UGT2B10: variants seen among roughly 807,000 people sequenced by gnomAD.
UGT2B10 encodes the protein UDP glucuronosyltransferase family 2 member B10.
Under a neutral mutation model 43.7 loss-of-function variants are expected in UGT2B10, and 51 were observed. The ratio of observed to expected loss-of-function variants is 1.17; its 90% CI spans 0.93 to 1.47. UGT2B10 has a LOEUF of 1.47. UGT2B10 is among the 40% of genes most tolerant of loss of function. UGT2B10 has a pLI of 0.00. For synonymous variants in UGT2B10, 225 were observed against 209.0 expected, an observed-to-expected ratio of 1.08 and a Z score of -0.66; for missense variants, 696 against 617.7, an observed-to-expected ratio of 1.13 and a Z score of -1.34.
intron 2 of UGT2B10, among the ~76,000 whole-genome samples, chr4:68,819,231 A>C (rs1737375714): frequency 6.6e-6 from 1 of 151,966 alleles, no homozygotes; most frequent in Non-Finnish European, 1.5e-5. Context: ...TTTATTACTA[A>C]TACTACTAAC....
rs1738081683 is a variant in UGT2B10 at position 68,831,142 on chromosome 4, C to G, written c.*263C>G. ...TGAGCTTGTATTGAAATTTGTTGCACTTATATTGAAATGTGATCATGGCTC... is the reference window on the plus strand; with the variant it reads ...TGAGCTTGTATTGAAATTTGTTGCAGTTATATTGAAATGTGATCATGGCTC... On this transcript the variant is annotated 3_prime_UTR_variant, in exon 6 of 6. Coordinates refer to ENST00000265403, the MANE Select transcript of UGT2B10 (RefSeq NM_001075.6). The G allele has an allele frequency of 9.2e-6, 4 of 435,748 alleles. No homozygotes were observed. Among genetic ancestry groups the G allele is most frequent in the Non-Finnish European group, 1.6e-5 (4 of 252,628 alleles). 27.0% of individuals were successfully genotyped at this position (435,748 alleles called of 1,614,324 possible).
At position 68,831,023 on chromosome 4, in the gene UGT2B10, G is replaced by GT. The variant is rs1307963988; in HGVS notation, c.*149dup. 1.3e-5 allele frequency: 15 copies of GT among 1,165,406 alleles called. No homozygotes were observed. The highest frequency in any genetic ancestry group is 1.8e-5 in the Non-Finnish European group (15 of 842,958). The allele number at this position is 1,165,406 out of a possible 1,614,324, so 72.2% of individuals were successfully genotyped here. On this transcript the variant is annotated 3_prime_UTR_variant, in exon 6 of 6. Transcript: ENST00000265403. The stretch of plus-strand genomic sequence containing the variant: ...AGTCTACCTTGTCAAGTAAAAATTT[G>GT]TTTTTCAGAGATTTACCACCCAGTT...
rs1404789159 is a variant in UGT2B10 at position 68,818,033 on chromosome 4, A to T, written c.723A>T (p.Arg241Ser). Residue 241 changes from arginine to serine, a missense_variant, in exon 2 of 6, where the codon AGA (arginine) becomes AGT (serine). Transcript: ENST00000265403. ...TCTTTTCTTTATTCCTATCAGGAAGACCCACTACATTATCTGAGACAATGA... is the reference window on the plus strand; with the variant it reads ...TCTTTTCTTTATTCCTATCAGGAAGTCCCACTACATTATCTGAGACAATGA... ...WDQFYSEVLGRPTTLSETMRK... is the reference protein window; with the variant it reads ...WDQFYSEVLGSPTTLSETMRK... 1.9e-6 allele frequency: 3 copies of T among 1,607,724 alleles called. No homozygotes were observed. The highest frequency in any genetic ancestry group is 3.4e-5 in the Admixed American group (2 of 58,860).
chr4:68,822,087 G>A (rs574076520), intron 2 of UGT2B10, among the ~76,000 whole-genome samples, 184 bp from the exon 3 acceptor site: 1 of 151,984 alleles, frequency 6.6e-6, no homozygotes, highest in Non-Finnish European at 1.5e-5. Context: ...CTTAACAGAG[G>A]CCAACTATCT....
chr4:68,816,345 C>A lies in UGT2B10; in HGVS notation c.326C>A (p.Ser109Ter). 1 of 1,613,026 alleles carries A rather than the reference C, an allele frequency of 6.2e-7. No homozygotes were observed. The highest frequency in any genetic ancestry group is 8.5e-7 in the Non-Finnish European group (1 of 1,179,374). Residue 109 changes from serine to a stop codon, truncating the protein, a stop_gained, in exon 1 of 6, where the codon TCA (serine) becomes TAA (stop). Coordinates refer to ENST00000265403, the MANE Select transcript of UGT2B10 (RefSeq NM_001075.6). LOFTEE classifies it high-confidence loss of function. ...AAAGATACATTTTGGTTACCTTTTT[C>A]ACAAGAACAAGAAATCCTGTGGGCA... ...IQKDTFWLPF[S>*]QEQEILWAIN...
Position 68,830,863 on chromosome 4 carries a change from A to C in UGT2B10, c.1571A>C (p.Lys524Thr). 1 of 1,613,002 alleles carries C rather than the reference A, an allele frequency of 6.2e-7. No homozygotes were observed. The highest frequency in any genetic ancestry group is 1.3e-5 in the African/African-American group (1 of 74,968). The change falls in exon 6 of 6, where the codon AAG becomes ACG. Residue 524 changes from lysine (K) to threonine (T), a missense_variant. By Grantham distance (78) the Lys-to-Thr change is moderately conservative. Coordinates refer to ENST00000265403, the MANE Select transcript of UGT2B10 (RefSeq NM_001075.6). ...CFWKFARKGKKGKRD is the reference protein window; with the variant it reads ...CFWKFARKGKTGKRD Reference sequence around the variant, plus strand: ...TGGAAGTTTGCTAGAAAAGGAAAGAAGGGAAAAAGGGATTAGTTATATCTG... The same window carrying C: ...TGGAAGTTTGCTAGAAAAGGAAAGACGGGAAAAAGGGATTAGTTATATCTG...
At position 68,816,564 on chromosome 4, in the gene UGT2B10, A is replaced by G. The variant is rs1321831140; in HGVS notation, c.545A>G (p.His182Arg). 5.6e-6 allele frequency: 9 copies of G among 1,613,020 alleles called. No homozygotes were observed. Among genetic ancestry groups the G allele is most frequent in the East Asian group, 2.2e-5 (1 of 44,820 alleles). Reference protein sequence around the residue: ...SFSPGYSFERHSGGFIFPPSY... With the variant: ...SFSPGYSFERRSGGFIFPPSY... ...AGTCCTGGCTACTCATTTGAAAGGC[A>G]CAGTGGAGGATTTATTTTCCCTCCT... The change falls in exon 1 of 6, where the codon CAC becomes CGC. Residue 182 changes from histidine (H) to arginine (R), a missense_variant. Coordinates refer to ENST00000265403, the MANE Select transcript of UGT2B10 (RefSeq NM_001075.6).
rs1248375122 is a variant in UGT2B10 at position 68,831,413 on chromosome 4, G to A, written c.*534G>A. Among the ~76,000 whole-genome samples, 1 of 152,042 alleles carries A rather than the reference G, an allele frequency of 6.6e-6. No homozygotes were observed. The highest frequency in any genetic ancestry group is 1.5e-5 in the Non-Finnish European group (1 of 67,962). ...TTTACAAAATGAGATTTTTATATAAGAATGATTCAAATGTTCAGGGATGAA... is the reference window on the plus strand; with the variant it reads ...TTTACAAAATGAGATTTTTATATAAAAATGATTCAAATGTTCAGGGATGAA... On this transcript the variant is annotated 3_prime_UTR_variant, in exon 6 of 6. Coordinates refer to ENST00000265403, the MANE Select transcript of UGT2B10 (RefSeq NM_001075.6).
intron 2 of UGT2B10, among the ~76,000 whole-genome samples, chr4:68,821,558 T>A (rs939223650): frequency 2.0e-5 from 3 of 152,208 alleles, no homozygotes; most frequent in African/African-American, 7.2e-5. Context: ...CTATAAACTG[T>A]ACAATTCTGT....
chr4:68,827,980 A>G (rs1737886110), intron 5 of UGT2B10, among the ~76,000 whole-genome samples: 1 of 151,948 alleles, frequency 6.6e-6, no homozygotes, highest in Non-Finnish European at 1.5e-5. Context: ...TGAAAATGAG[A>G]TTTAATTTTG....
chr4:68,817,983 T>G, intron 1 of UGT2B10, 46 bp from the exon 2 acceptor site: 1 of 1,574,000 alleles, frequency 6.4e-7, no homozygotes, highest in Non-Finnish European at 8.6e-7. Context: ...TTACATAAAG[T>G]AATTATCTTA....
intron 5 of UGT2B10, among the ~76,000 whole-genome samples, chr4:68,828,745 T>G (rs1737929008): frequency 6.6e-6 from 1 of 152,016 alleles, no homozygotes; most frequent in Non-Finnish European, 1.5e-5. Flanking sequence ...ATATATCAAC[T>G]GGAAGACACA....
intron 2 of UGT2B10, among the ~76,000 whole-genome samples, chr4:68,822,060 A>G (rs1442949448): frequency 6.6e-6 from 1 of 152,114 alleles, no homozygotes; most frequent in Non-Finnish European, 1.5e-5. Flanking sequence ...ATACACACAC[A>G]TATTTACACA....
chr4:68,818,732 G>A (rs747217969), intron 2 of UGT2B10, among the ~76,000 whole-genome samples: 4 of 151,806 alleles, frequency 2.6e-5, no homozygotes, highest in Non-Finnish European at 5.9e-5. Flanking sequence ...AAAGAATGGT[G>A]GGGAGAGACA....
chr4:68,823,822 GT>G (rs1174349148), intron 3 of UGT2B10, among the ~76,000 whole-genome samples: 1 of 152,058 alleles, frequency 6.6e-6, no homozygotes, highest in Non-Finnish European at 1.5e-5. Flanking sequence ...ATAATAGGCT[GT>G]TTTTCATTGA....
chr4:68,827,659 AT>A, intron 5 of UGT2B10, 111 bp downstream of exon 5: 2 of 1,512,868 alleles, frequency 1.3e-6, no homozygotes, highest in Non-Finnish European at 1.8e-6. Flanking sequence ...AAGAATTTAA[AT>A]GATTTAACCA....
rs763187898 is a variant in UGT2B10 at position 68,830,591 on chromosome 4, A to G, written c.1308-9A>G. ...TTTCAGTGTCGGTATCTTTATTTTT[A>G]TCCTTCAGATATAAAGAGAATATTA... On this transcript the variant is annotated splice_polypyrimidine_tract_variant and intron_variant, in intron 5 of 5. Transcript: ENST00000265403. 1 of 1,600,682 alleles carries G rather than the reference A, an allele frequency of 6.2e-7. No homozygotes were observed. Among genetic ancestry groups the G allele is most frequent in the Admixed American group, 1.7e-5 (1 of 57,666 alleles).
intron 2 of UGT2B10, among the ~76,000 whole-genome samples, chr4:68,821,900 C>T (rs1278189653): frequency 3.3e-5 from 5 of 151,940 alleles, no homozygotes; most frequent in Admixed American, 1.3e-4. Flanking sequence ...TAGATTAAAC[C>T]CTAGTGGTGC....
chr4:68,824,969 T>C (rs1737696177), intron 3 of UGT2B10, among the ~76,000 whole-genome samples: 1 of 152,172 alleles, frequency 6.6e-6, no homozygotes, highest in South Asian at 2.1e-4. Flanking sequence ...CTTGAAATTT[T>C]TCTTGGAAGT....
Sources: allele counts gnomAD v4.1 joint callset (sites outside exome capture counted in the v4.1 genomes callset), GRCh38; gene constraint gnomAD v4.1.1; transcripts MANE v1.5; gene names NCBI Gene and HGNC (gene_info 2026-07-23, HGNC 2026-07-21).